Variants in VSTM2L observed in about 807,000 individuals in gnomAD.
VSTM2L encodes the protein V-set and transmembrane domain-containing protein 2-like protein.
VSTM2L carries 9 observed loss-of-function variants against 19.9 expected under a neutral mutation model. The observed-to-expected ratio is 0.45, with a 90% confidence interval of 0.27 to 0.79. The LOEUF (loss-of-function observed/expected upper bound fraction) is 0.79. VSTM2L is among the 30% of genes least tolerant of loss of function. The pLI, the probability that VSTM2L is intolerant of heterozygous loss-of-function variation, is 0.15. For missense variants in VSTM2L, 286 were observed against 295.5 expected (o/e 0.97, Z 0.24); for synonymous variants, 127 against 133.8 (o/e 0.95, Z 0.35).
intron 1 of VSTM2L, among the ~76,000 whole-genome samples, chr20:37,908,619 C>T (rs2122933490): frequency 6.6e-6 from 1 of 152,180 alleles, no homozygotes; most frequent in South Asian, 2.1e-4. Context: ...TTGAGACCAG[C>T]CTGGACAACA....
intron 1 of VSTM2L, among the ~76,000 whole-genome samples, chr20:37,915,316 C>A (rs1369455234): frequency 6.6e-6 from 1 of 152,160 alleles, no homozygotes; most frequent in Non-Finnish European, 1.5e-5. Context: ...TGCTCTTGGC[C>A]TGTGAAATTC....
chr20:37,930,379 G>T (rs1041814118), intron 1 of VSTM2L, among the ~76,000 whole-genome samples: 2 of 152,160 alleles, frequency 1.3e-5, no homozygotes, highest in South Asian at 2.1e-4. Flanking sequence ...GGGTGGTGAG[G>T]ACTCCCGGGG....
In VSTM2L at chr20:37,931,729, C is replaced by T. The variant is rs1359164247; in HGVS notation, c.216C>T (p.Tyr72=). The change falls in exon 2 of 4, where the codon TAC becomes TAT. Residue 72 remains tyrosine, a synonymous_variant. Coordinates refer to ENST00000373461, the MANE Select transcript of VSTM2L (RefSeq NM_080607.3). Reference sequence around the variant, plus strand: ...TCCGCGGCAGCGGCTCCCCCTCCTACTCGCTGGAGATCCAGTGGTGGTATG... The same window carrying T: ...TCCGCGGCAGCGGCTCCCCCTCCTATTCGCTGGAGATCCAGTGGTGGTATG... ...CSFRGSGSPS[Y]SLEIQWWYVR... is the part of the protein sequence containing the mutation. 3 of 1,613,894 alleles carry T rather than the reference C, an allele frequency of 1.9e-6. No homozygotes were observed. The highest frequency in any genetic ancestry group is 1.1e-5 in the South Asian group (1 of 91,086).
At chr20:37,939,917 T>A (rs571046552) in intron 3 of VSTM2L, among the ~76,000 whole-genome samples, 3 of 152,210 alleles carry the variant, frequency 2.0e-5, no homozygotes, top group African/African-American at 7.2e-5. Flanking sequence ...GAGCTCGTGT[T>A]CCTGAAGGCC....
At chr20:37,933,818 T>C (rs2072924558) in intron 3 of VSTM2L, among the ~76,000 whole-genome samples, 1 of 152,228 alleles carries the variant, frequency 6.6e-6, no homozygotes, top group Non-Finnish European at 1.5e-5. Context: ...CATTTTCTCC[T>C]GTCAGGGCCA....
At chr20:37,910,773 C>T (rs1384029613) in intron 1 of VSTM2L, among the ~76,000 whole-genome samples, 1 of 151,700 alleles carries the variant, frequency 6.6e-6, no homozygotes, top group Non-Finnish European at 1.5e-5. Context: ...CAGAATTACC[C>T]AGGTGTAGTG....
At chr20:37,907,916 T>C (rs1387798729) in intron 1 of VSTM2L, among the ~76,000 whole-genome samples, 1 of 152,186 alleles carries the variant, frequency 6.6e-6, no homozygotes, top group Non-Finnish European at 1.5e-5. Context: ...TACTGAACTG[T>C]TGGTATCTCA....
chr20:37,926,645 A>G (rs193174118), intron 1 of VSTM2L, among the ~76,000 whole-genome samples: 5 of 152,372 alleles, frequency 3.3e-5, no homozygotes, highest in African/African-American at 1.2e-4. Context: ...ACTAACCTAT[A>G]GCTCTACCAG....
intron 1 of VSTM2L, among the ~76,000 whole-genome samples, chr20:37,909,936 A>T (rs2072770675): frequency 6.6e-6 from 1 of 152,140 alleles, no homozygotes; most frequent in Non-Finnish European, 1.5e-5. Flanking sequence ...GTGGGGAGGC[A>T]GAGAGGGGCT....
chr20:37,907,346 A>G (rs2072756694), intron 1 of VSTM2L, among the ~76,000 whole-genome samples: 1 of 152,162 alleles, frequency 6.6e-6, no homozygotes, highest in South Asian at 2.1e-4. Flanking sequence ...GGCTCAAGCC[A>G]TCCTCCCTCC....
intron 1 of VSTM2L, among the ~76,000 whole-genome samples, chr20:37,921,838 C>CTTTTTT (rs756122087): frequency 8.7e-4 from 80 of 91,756 alleles, no homozygotes; most frequent in African/African-American, 1.9e-3. Flanking sequence ...CTTTCTTTTC[C>CTTTTTT]TTTTTTTTTT....
chr20:37,917,731 C>T (rs890395273), intron 1 of VSTM2L, among the ~76,000 whole-genome samples: 1 of 152,208 alleles, frequency 6.6e-6, no homozygotes, highest in Non-Finnish European at 1.5e-5. Context: ...ACCACACCAG[C>T]ACTTCCTGTG....
chr20:37,943,717 G>C (rs1025550530), intron 3 of VSTM2L, among the ~76,000 whole-genome samples: 1 of 152,130 alleles, frequency 6.6e-6, no homozygotes, highest in Non-Finnish European at 1.5e-5. Context: ...CACGTGCCTA[G>C]TTCTAGCTCC....
chr20:37,919,683 C>A (rs1320412072), intron 1 of VSTM2L, among the ~76,000 whole-genome samples: 1 of 152,240 alleles, frequency 6.6e-6, no homozygotes, highest in Non-Finnish European at 1.5e-5. Context: ...TGCCACCCAG[C>A]TGAGCTGGGC....
Position 37,927,448 on chromosome 20 carries a change from G to A in VSTM2L, c.122-4187G>A, listed in dbSNP as rs893874472. ...TTGCATTCTGTTTCTGTTGGACAGCGAGGCCCTAGATGGCCACTTCTGGTG... is the reference window on the plus strand; with the variant it reads ...TTGCATTCTGTTTCTGTTGGACAGCAAGGCCCTAGATGGCCACTTCTGGTG... On this transcript the variant is annotated intron_variant, in intron 1 of 3. Transcript: ENST00000373461. Among the ~76,000 whole-genome samples, 10 of 152,124 alleles carry A rather than the reference G, an allele frequency of 6.6e-5. No homozygotes were observed. The East Asian group carries it at 7.7e-4, about 12-fold the overall frequency.
intron 1 of VSTM2L, among the ~76,000 whole-genome samples, chr20:37,913,553 G>A (rs932268819): frequency 6.6e-6 from 1 of 152,228 alleles, no homozygotes; most frequent in African/African-American, 2.4e-5. Context: ...GATAATGGGG[G>A]ACTCTTCAGG....
rs2072990666 is a variant in VSTM2L, at chr20:37,944,025, G to T, written c.387G>T (p.Leu129=). ...GCAACATCTCCCACAAGCTGCGCCT[G>T]TCCCGGGTGAAGCCCACGGACGAAG... ...VGSNISHKLR[L]SRVKPTDEGT... Residue 129 remains leucine (L), a synonymous_variant, in exon 4 of 4, where the codon CTG becomes CTT. Transcript: ENST00000373461. The T allele has an allele frequency of 1.2e-6, 2 of 1,606,892 alleles. No individual in the cohort carries two copies. Among genetic ancestry groups the T allele is most frequent in the Admixed American group, 1.7e-5 (1 of 59,552 alleles).
At chr20:37,938,515 A>G (rs1474062664) in intron 3 of VSTM2L, among the ~76,000 whole-genome samples, 2 of 152,170 alleles carry the variant, frequency 1.3e-5, no homozygotes, top group Non-Finnish European at 2.9e-5. Flanking sequence ...GTACAAATCC[A>G]TTCTTCTGGC....
intron 3 of VSTM2L, among the ~76,000 whole-genome samples, chr20:37,942,680 G>A (rs1449999028): frequency 1.3e-5 from 2 of 152,218 alleles, no homozygotes; most frequent in East Asian, 3.9e-4. Flanking sequence ...TGTGCTCTAG[G>A]GGGTCACGAG....
Sources: allele counts gnomAD v4.1 joint callset (sites outside exome capture counted in the v4.1 genomes callset), GRCh38; gene constraint gnomAD v4.1.1; transcripts MANE v1.5; gene names NCBI Gene and HGNC (gene_info 2026-07-23, HGNC 2026-07-21).